CCDC91: variants seen among roughly 807,000 people sequenced by gnomAD.
CCDC91 encodes the protein coiled-coil domain-containing protein 91.
In CCDC91, 48 loss-of-function variants were observed where a neutral mutation model predicts 63.2. That is an observed-to-expected ratio of 0.76 (90% CI 0.60 to 0.97). The LOEUF is 0.97. Among genes scored for constraint, CCDC91 ranks in the 50% least tolerant of loss-of-function variants. The pLI, the probability that CCDC91 is intolerant of heterozygous loss-of-function variation, is 0.00. For missense variants in CCDC91, 500 were observed against 494.6 expected (o/e 1.01, Z -0.10); for synonymous variants, 167 against 165.8 (o/e 1.01, Z -0.06).
Position 28,306,884 on chromosome 12 carries a change from A to C in CCDC91, c.410A>C (p.Lys137Thr), listed in dbSNP as rs780484214. 6.2e-7 allele frequency: 1 copy of C among 1,612,340 alleles called. No homozygotes were observed. Among genetic ancestry groups the C allele is most frequent in the South Asian group, 1.1e-5 (1 of 91,036 alleles). ...ANVSNIQLQQ[K>T]ISSLEIKLKV... ...GTATCTAACATACAGCTTCAGCAAA[A>C]AATTTCAAGTCTGGAGATTAAACTC... Residue 137 changes from lysine (K) to threonine (T), a missense_variant, in exon 5 of 13, where the codon AAA becomes ACA. Physicochemically the swap from Lys to Thr is moderately conservative, Grantham distance 78. Coordinates refer to ENST00000536442, the MANE Select transcript of CCDC91 (RefSeq NM_018318.5).
intron 12 of CCDC91, among the ~76,000 whole-genome samples, chr12:28,525,040 AG>A (rs1451237669): frequency 6.6e-6 from 1 of 152,164 alleles, no homozygotes; most frequent in Non-Finnish European, 1.5e-5. Context: ...ATCGTTTCAA[AG>A]AACCAGCTTT....
chr12:28,531,207 A>G (rs574489488), intron 12 of CCDC91, among the ~76,000 whole-genome samples: 16 of 152,286 alleles, frequency 1.1e-4, no homozygotes, highest in Non-Finnish European at 1.9e-4. Flanking sequence ...AGTTTCACAA[A>G]CACAAAATTG....
intron 6 of CCDC91, among the ~76,000 whole-genome samples, chr12:28,335,264 T>TATATAATATATAATACATATATA (rs1941860714): frequency 2.4e-5 from 3 of 126,470 alleles, no homozygotes; most frequent in South Asian, 4.4e-4. Context: ...ATACATATAA[T>TATATAATATATAATACATATATA]ATATAATATA....
intron 3 of CCDC91, among the ~76,000 whole-genome samples, chr12:28,269,207 G>A (rs1315320793): frequency 6.6e-6 from 1 of 151,718 alleles, no homozygotes; most frequent in Non-Finnish European, 1.5e-5. Flanking sequence ...TAAAGGTTGG[G>A]CATTTGAGCT....
intron 8 of CCDC91, among the ~76,000 whole-genome samples, chr12:28,441,862 G>A (rs2140229577): frequency 6.6e-6 from 1 of 151,940 alleles, no homozygotes; most frequent in South Asian, 2.1e-4. Context: ...TCTATGTCAT[G>A]ATAAAGATGT....
chr12:28,215,828 T>C (rs1943528493), intron 1 of CCDC91, among the ~76,000 whole-genome samples: 1 of 152,140 alleles, frequency 6.6e-6, no homozygotes, highest in African/African-American at 2.4e-5. Flanking sequence ...TTCTCAGGAA[T>C]TGATACATCT....
intron 1 of CCDC91, among the ~76,000 whole-genome samples, chr12:28,192,766 A>G (rs1205211450): frequency 6.6e-6 from 1 of 152,194 alleles, no homozygotes; most frequent in Non-Finnish European, 1.5e-5. Flanking sequence ...TTTAAAAAAA[A>G]TCAAGTTTTA....
chr12:28,492,005 T>G (rs1266337574), intron 12 of CCDC91, among the ~76,000 whole-genome samples: 1 of 151,336 alleles, frequency 6.6e-6, no homozygotes, highest in Non-Finnish European at 1.5e-5. Context: ...CCTCTATTTG[T>G]GAGCCGTTTA....
At chr12:28,489,152 C>T (rs1951870875) in intron 12 of CCDC91, among the ~76,000 whole-genome samples, 2 of 152,024 alleles carry the variant, frequency 1.3e-5, no homozygotes, top group South Asian at 4.2e-4. Flanking sequence ...GGGAAAGTTT[C>T]TTCTTTTCAG....
chr12:28,521,234 C>T (rs1592940392), intron 12 of CCDC91, among the ~76,000 whole-genome samples: 2 of 150,906 alleles, frequency 1.3e-5, no homozygotes, highest in East Asian at 1.9e-4. Context: ...TGTTTGTGTC[C>T]TCTTTCATTT....
chr12:28,416,880 A>G (rs1370606084), intron 8 of CCDC91, among the ~76,000 whole-genome samples: 2 of 152,198 alleles, frequency 1.3e-5, no homozygotes, highest in Non-Finnish European at 2.9e-5. Flanking sequence ...TATTATGTAT[A>G]TGAATATATA....
chr12:28,255,019 G>C (rs546636098), intron 1 of CCDC91, among the ~76,000 whole-genome samples: 1 of 151,896 alleles, frequency 6.6e-6, no homozygotes, highest in East Asian at 1.9e-4. Context: ...CAGGTGATCC[G>C]CCTACCTCAG....
Position 28,220,264 on chromosome 12 carries a change from CTAATTAAT to C in CCDC91, c.-15+29639_-15+29646del, listed in dbSNP as rs796404166. Reference sequence around the variant, plus strand: ...TGGACTTCCTAGGTGTATATCTTTGCTAATTAATTAATTAATTAATTAAATGCTGTAAT... The same window carrying C: ...TGGACTTCCTAGGTGTATATCTTTGCTAATTAATTAATTAAATGCTGTAAT... On this transcript the variant is annotated intron_variant, in intron 1 of 12. Transcript: ENST00000536442. Among the ~76,000 whole-genome samples the C allele has an allele frequency of 5.3e-5, 8 of 151,650 alleles. No individual in the cohort carries two copies. The East Asian group carries it at 7.7e-4, about 15-fold the overall frequency.
intron 3 of CCDC91, 40 bp downstream of exon 3, chr12:28,259,482 T>TTTC (rs1555168627): frequency 1.0e-4 from 133 of 1,282,798 alleles, no homozygotes; most frequent in South Asian, 2.3e-4. Flanking sequence ...TTTTTTTTTT[T>TTTC]CCCATGTAAC....
chr12:28,464,197 GT>G (rs1950442830), intron 11 of CCDC91, among the ~76,000 whole-genome samples: 1 of 152,170 alleles, frequency 6.6e-6, no homozygotes, highest in Admixed American at 6.5e-5. Flanking sequence ...AGGAACTTGA[GT>G]TCCCCCAAGC....
At chr12:28,392,793 T>C (rs1946031265) in intron 8 of CCDC91, among the ~76,000 whole-genome samples, 1 of 152,162 alleles carries the variant, frequency 6.6e-6, no homozygotes, top group Non-Finnish European at 1.5e-5. Flanking sequence ...TCTGGGAAAA[T>C]AGGAGGGGAA....
At chr12:28,487,484 T>C (rs1329242163) in intron 12 of CCDC91, among the ~76,000 whole-genome samples, 1 of 151,878 alleles carries the variant, frequency 6.6e-6, no homozygotes, top group Non-Finnish European at 1.5e-5. Context: ...TATAAACTAA[T>C]ACTTAGGAAA....
rs2140357126 is a variant in CCDC91, at chr12:28,452,695, C to A, written c.1101+41C>A. 3.5e-6 allele frequency: 4 copies of A among 1,144,426 alleles called. No individual in the cohort carries two copies. In the African/African-American group the frequency reaches 4.8e-5, roughly 14 times the overall value. 70.9% of individuals were successfully genotyped at this position (1,144,426 alleles called of 1,614,324 possible). A position where few individuals can be genotyped will look rare whatever the true frequency, so the allele number is the denominator to read the frequency against. ...TGTTAGTAAATATTTACTTTTTTCT[C>A]ATTTTTCTCAAAATGAAGTACCCTT... On this transcript the variant is annotated intron_variant, in intron 11 of 12. Coordinates refer to ENST00000536442, the MANE Select transcript of CCDC91 (RefSeq NM_018318.5).
intron 3 of CCDC91, among the ~76,000 whole-genome samples, chr12:28,270,021 T>G (rs552254526): frequency 6.9e-4 from 105 of 152,198 alleles, no homozygotes; most frequent in African/African-American, 2.5e-3. Flanking sequence ...TAATCATTTT[T>G]AATAATGATT....
Sources: allele counts gnomAD v4.1 joint callset (sites outside exome capture counted in the v4.1 genomes callset), GRCh38; gene constraint gnomAD v4.1.1; transcripts MANE v1.5; gene names NCBI Gene and HGNC (gene_info 2026-07-23, HGNC 2026-07-21).